Variants in ASIC2 observed in about 807,000 individuals in gnomAD.
ASIC2 encodes the protein acid sensing ion channel subunit 2, also known as acid-sensing ion channel 2.
ASIC2 carries 25 observed loss-of-function variants against 57.3 expected under a neutral mutation model. That is an observed-to-expected ratio of 0.44 (90% confidence interval 0.32 to 0.61). The LOEUF (loss-of-function observed/expected upper bound fraction) is 0.61. Among genes scored for constraint, ASIC2 ranks in the 20% least tolerant of loss-of-function variants. The pLI is 0.06. For synonymous variants in ASIC2, 319 were observed against 307.5 expected (o/e 1.04, Z -0.39); for missense variants, 641 against 738.1 (o/e 0.87, Z 1.52).
chr17:33,500,720 C>T (rs1453971319), intron 1 of ASIC2, among the ~76,000 whole-genome samples: 1 of 152,168 alleles, frequency 6.6e-6, no homozygotes. Flanking sequence ...GATAAAACAC[C>T]TTTATCCCAG....
At chr17:33,467,622 A>G (rs1912908770) in intron 1 of ASIC2, among the ~76,000 whole-genome samples, 2 of 152,200 alleles carry the variant, frequency 1.3e-5, no homozygotes, top group African/African-American at 2.4e-5. Context: ...CACCTGCATG[A>G]TAAAACCTTG....
intron 1 of ASIC2, among the ~76,000 whole-genome samples, chr17:33,435,105 G>T (rs773783764): frequency 8.5e-5 from 13 of 152,162 alleles, no homozygotes; most frequent in Non-Finnish European, 1.6e-4. Context: ...GTAAAACCTG[G>T]TAGTTCTGAA....
intron 1 of ASIC2, among the ~76,000 whole-genome samples, chr17:33,512,809 A>T (rs1914465851): frequency 6.6e-6 from 1 of 152,178 alleles, no homozygotes; most frequent in African/African-American, 2.4e-5. Flanking sequence ...AAGGCCTGTC[A>T]ATATTTACCC....
At chr17:33,087,998 C>T (rs2092141602) in intron 3 of ASIC2, among the ~76,000 whole-genome samples, 1 of 152,150 alleles carries the variant, frequency 6.6e-6, no homozygotes. Context: ...TCCTTCCTTG[C>T]TCCTCCGTCA....
At chr17:33,064,039 G>A (rs1382711671) in intron 3 of ASIC2, among the ~76,000 whole-genome samples, 1 of 152,140 alleles carries the variant, frequency 6.6e-6, no homozygotes, top group East Asian at 1.9e-4. Flanking sequence ...CTCTGCATTG[G>A]TTATTCTAGT....
chr17:33,642,570 CAAACCCT>C (rs1906610792), intron 1 of ASIC2, among the ~76,000 whole-genome samples: 1 of 152,178 alleles, frequency 6.6e-6, no homozygotes, highest in Non-Finnish European at 1.5e-5. Flanking sequence ...ATCAGAACCC[CAAACCCT>C]AAAGACTTTA....
At chr17:33,203,674 G>A (rs1906960867) in intron 1 of ASIC2, among the ~76,000 whole-genome samples, 1 of 152,090 alleles carries the variant, frequency 6.6e-6, no homozygotes, top group Non-Finnish European at 1.5e-5. Flanking sequence ...GTGGGTGATG[G>A]ACTCTACCTT....
chr17:33,074,736 G>T (rs902042278), intron 3 of ASIC2, among the ~76,000 whole-genome samples: 1 of 152,150 alleles, frequency 6.6e-6, no homozygotes, highest in Non-Finnish European at 1.5e-5. Flanking sequence ...ACCTCTCAGT[G>T]CTCCAGTTGT....
intron 1 of ASIC2, among the ~76,000 whole-genome samples, chr17:33,270,378 G>A (rs770325119): frequency 9.2e-5 from 14 of 152,038 alleles, no homozygotes; most frequent in Non-Finnish European, 1.8e-4. Flanking sequence ...CCTTGCCTTG[G>A]ACTAGACCTG....
intron 1 of ASIC2, among the ~76,000 whole-genome samples, chr17:33,164,316 A>T (rs1905243773): frequency 6.6e-6 from 1 of 152,192 alleles, no homozygotes; most frequent in African/African-American, 2.4e-5. Context: ...TAGGCGACTC[A>T]TGAATCTTTC....
chr17:34,058,502 T>C (rs1426234171), intron 1 of ASIC2, among the ~76,000 whole-genome samples: 1 of 152,118 alleles, frequency 6.6e-6, no homozygotes, highest in African/African-American at 2.4e-5. Flanking sequence ...GTAAAGCATA[T>C]TATTAAAACA....
At chr17:34,085,329 C>A (rs1910068807) in intron 1 of ASIC2, among the ~76,000 whole-genome samples, 1 of 152,110 alleles carries the variant, frequency 6.6e-6, no homozygotes, top group Non-Finnish European at 1.5e-5. Flanking sequence ...TGTTTATATG[C>A]TGGATTACAT....
At chr17:33,969,795 T>A (rs991220604) in intron 1 of ASIC2, among the ~76,000 whole-genome samples, 2 of 151,978 alleles carry the variant, frequency 1.3e-5, no homozygotes, top group African/African-American at 2.4e-5. Context: ...AAGTGGAGAG[T>A]CCCAGGTGCT....
At chr17:33,544,064 G>T (rs1677452352) in intron 1 of ASIC2, among the ~76,000 whole-genome samples, 1 of 152,192 alleles carries the variant, frequency 6.6e-6, no homozygotes, top group Non-Finnish European at 1.5e-5. Context: ...GGAGCCTGCA[G>T]TCAATGATTT....
At chr17:34,052,463 G>A (rs1047528044) in intron 1 of ASIC2, among the ~76,000 whole-genome samples, 6 of 152,124 alleles carry the variant, frequency 3.9e-5, no homozygotes, top group South Asian at 4.1e-4. Flanking sequence ...GGAGAATGGC[G>A]ACGATTACTT....
chr17:33,849,045 T>A (rs1017729769), intron 1 of ASIC2, among the ~76,000 whole-genome samples: 4 of 152,206 alleles, frequency 2.6e-5, no homozygotes, highest in Non-Finnish European at 4.4e-5. Flanking sequence ...TTTCAGAAAA[T>A]TGGCCTAATT....
At chr17:34,136,969 C>T (rs1912144180) in intron 1 of ASIC2, among the ~76,000 whole-genome samples, 1 of 152,192 alleles carries the variant, frequency 6.6e-6, no homozygotes. Flanking sequence ...CTGGAAGATC[C>T]TCACCTGCTC....
intron 1 of ASIC2, among the ~76,000 whole-genome samples, chr17:33,456,130 T>C (rs1248619834): frequency 6.6e-6 from 1 of 152,208 alleles, no homozygotes; most frequent in Admixed American, 6.5e-5. Context: ...CTTGAATTGA[T>C]TTTTCTCCTC....
intron 1 of ASIC2, among the ~76,000 whole-genome samples, chr17:33,992,398 G>A (rs966141960): frequency 6.6e-6 from 1 of 152,156 alleles, no homozygotes; most frequent in African/African-American, 2.4e-5. Context: ...TCTGTCTCTC[G>A]TGAGCAATTC....
Sources: allele counts gnomAD v4.1 joint callset (sites outside exome capture counted in the v4.1 genomes callset), GRCh38; gene constraint gnomAD v4.1.1; transcripts MANE v1.5; gene names NCBI Gene and HGNC (gene_info 2026-07-23, HGNC 2026-07-21).